Variants in GPR132 observed in about 807,000 individuals in gnomAD.
GPR132 encodes the protein G protein-coupled receptor 132.
GPR132 carries 4 observed loss-of-function variants against 1.9 expected under a neutral mutation model. The ratio of observed to expected loss-of-function variants is 2.13; its 90% CI spans 1.05 to 4.87. GPR132 has a LOEUF of 4.87. GPR132 is among the 30% of genes most tolerant of loss of function. The probability of loss-of-function intolerance (pLI) is 0.01; values close to 1 mark genes in which losing one functional copy is unlikely to be tolerated. For synonymous variants in GPR132, 233 were observed against 234.2 expected, an observed-to-expected ratio of 0.99 and a Z score of 0.05; for missense variants, 404 against 512.5, an observed-to-expected ratio of 0.79 and a Z score of 2.04.
At chr14:105,052,189 T>TTTTA in intron 3 of GPR132, 87 bp from the exon 4 acceptor site, 4 of 1,158,970 alleles carry the variant, frequency 3.5e-6, no homozygotes, top group South Asian at 3.2e-5. Flanking sequence ...ATAGAAGCTT[T>TTTTA]GTGGTAGCTC....
Position 105,051,700 on chromosome 14 carries a change from T to C in GPR132, c.437A>G (p.Tyr146Cys). Residue 146 changes from tyrosine to cysteine, a missense_variant, in exon 4 of 4, where the codon TAC (tyrosine) becomes TGC (cysteine). Tyr to Cys is a radical substitution (Grantham distance 194, BLOSUM62 -2). Transcript: ENST00000329797. The surrounding 1 kb of genome is among the most constrained non-coding windows in gnomAD (Gnocchi z 8.0). Reference protein sequence around the residue: ...ISCDRFVAVVYALESRGRRRR... With the variant: ...ISCDRFVAVVCALESRGRRRR... ...GCGGCGGCCCCGACTCTCCAGCGCGTACACCACGGCCACGAAGCGGTCGCA... is the reference window on the plus strand; with the variant it reads ...GCGGCGGCCCCGACTCTCCAGCGCGCACACCACGGCCACGAAGCGGTCGCA... 1 of 1,613,972 alleles carries C rather than the reference T, an allele frequency of 6.2e-7. No homozygotes were observed. Among genetic ancestry groups the C allele is most frequent in the Non-Finnish European group, 8.5e-7 (1 of 1,180,030 alleles).
intron 3 of GPR132, 27 bp from the exon 4 acceptor site, chr14:105,052,129 C>G (rs199605763): frequency 6.6e-7 from 1 of 1,519,438 alleles, no homozygotes; most frequent in Non-Finnish European, 8.8e-7. Context: ...AGAGTGAGGA[C>G]GGGAGTCCCT....
intron 1 of GPR132, among the ~76,000 whole-genome samples, chr14:105,058,960 G>A (rs143423595): frequency 4.3e-4 from 65 of 152,366 alleles, no homozygotes; most frequent in Non-Finnish European, 7.9e-4. Context: ...CTGTTTCCGG[G>A]CCCTGCAGTG....
In GPR132 at chr14:105,050,293, C is replaced by G. The variant is rs941452611; in HGVS notation, c.*701G>C. The G allele has an allele frequency of 6.5e-6, 1 of 152,902 alleles. No homozygotes were observed. The highest frequency in any genetic ancestry group is 1.5e-5 in the Non-Finnish European group (1 of 68,582). 9.5% of individuals were successfully genotyped at this position (152,902 alleles called of 1,614,324 possible). On this transcript the variant is annotated 3_prime_UTR_variant, in exon 4 of 4. Coordinates refer to ENST00000329797, the MANE Select transcript of GPR132 (RefSeq NM_013345.4). The surrounding 1 kb of genome is among the most constrained non-coding windows in gnomAD (Gnocchi z 4.0). ...GCTGGGGACTCCTGGCACCCCTTGC[C>G]TCTGCTGTGGCTGTGTCACACCTGT...
Position 105,060,002 on chromosome 14 carries a change from G to A in GPR132, c.-860-2722C>T, listed in dbSNP as rs1886898928. On this transcript the variant is annotated intron_variant, in intron 1 of 3. Coordinates refer to ENST00000329797, the MANE Select transcript of GPR132 (RefSeq NM_013345.4). This position sits in a 1 kb window ranked among gnomAD's most constrained non-coding sequence, Gnocchi z 6.3. ...TGATGCCCCCTTGGCGGTGGGTGGT[G>A]TGGGCCGGAGGGGTTCCTGGGCTAC... Among the ~76,000 whole-genome samples the A allele has an allele frequency of 6.6e-6, 1 of 152,260 alleles. No homozygotes were observed. The highest frequency in any genetic ancestry group is 2.4e-5 in the African/African-American group (1 of 41,482).
Position 105,056,369 on chromosome 14 carries a change from C to T in GPR132, c.-746-203G>A, listed in dbSNP as rs1253997329. On this transcript the variant is annotated intron_variant, in intron 2 of 3. Transcript: ENST00000329797. The surrounding 1 kb of genome is among the most constrained non-coding windows in gnomAD (Gnocchi z 6.0). Reference sequence around the variant, plus strand: ...AAACGAGTGCCCCAGCCCCGCTGTGCGAGTCCTGAGCTCAGAGGAAGTTTC... The same window carrying T: ...AAACGAGTGCCCCAGCCCCGCTGTGTGAGTCCTGAGCTCAGAGGAAGTTTC... Among the ~76,000 whole-genome samples, 2 of 152,196 alleles carry T rather than the reference C, an allele frequency of 1.3e-5. No individual in the cohort carries two copies. Among genetic ancestry groups the T allele is most frequent in the Non-Finnish European group, 2.9e-5 (2 of 68,032 alleles).
rs1225178326 is a variant in GPR132 at position 105,057,287 on chromosome 14, A to G, written c.-860-7T>C. ...TCTGAGAGTTTAAAATGACCTGGAAAAAGAGTAGGTTGAAATTGTTTTAGG... is the reference window on the plus strand; with the variant it reads ...TCTGAGAGTTTAAAATGACCTGGAAGAAGAGTAGGTTGAAATTGTTTTAGG... On this transcript the variant is annotated splice_polypyrimidine_tract_variant and splice_region_variant and intron_variant, in intron 1 of 3. Transcript: ENST00000329797. 2 of 745,458 alleles carry G rather than the reference A, an allele frequency of 2.7e-6. No homozygotes were observed. Among genetic ancestry groups the G allele is most frequent in the African/African-American group, 1.7e-5 (1 of 57,442 alleles). The allele number at this position is 745,458 out of a possible 1,614,324, so 46.2% of individuals were successfully genotyped here.
rs185717692 is a variant in GPR132, at chr14:105,061,362, C to T, written c.-861+4017G>A. Among the ~76,000 whole-genome samples the T allele has an allele frequency of 3.7e-3, 561 of 152,352 alleles. 5 individuals are homozygous for T. The highest frequency in any genetic ancestry group is 0.013 in the African/African-American group (520 of 41,588). ...CCGAGGGCCTTCCTGGACCAGGGTC[C>T]GGGGTCCCGCCAGCACCTGCTCACC... is the stretch of plus-strand genomic sequence containing the variant. On this transcript the variant is annotated intron_variant, in intron 1 of 3. Coordinates refer to ENST00000329797, the MANE Select transcript of GPR132 (RefSeq NM_013345.4).
intron 1 of GPR132, among the ~76,000 whole-genome samples, chr14:105,063,882 C>G (rs1389528273): frequency 6.6e-6 from 1 of 151,920 alleles, no homozygotes; most frequent in African/African-American, 2.4e-5. Context: ...TCTCGTTGCC[C>G]AGGCTGGAGT....
chr14:105,051,175 C>G lies in GPR132; in HGVS notation c.962G>C (p.Arg321Thr). ...ATDHSRQEVS[R>T]IHKGWKEWSM... Reference sequence around the variant, plus strand: ...CCACTCTTTCCACCCCTTATGGATTCTGGACACTTCTTGGCGGGAATGGTC... The same window carrying G: ...CCACTCTTTCCACCCCTTATGGATTGTGGACACTTCTTGGCGGGAATGGTC... The change falls in exon 4 of 4, where the codon AGA (arginine) becomes ACA (threonine). Residue 321 changes from arginine (R) to threonine (T), a missense_variant. Transcript: ENST00000329797. The surrounding 1 kb of genome is among the most constrained non-coding windows in gnomAD (Gnocchi z 8.0). The G allele has an allele frequency of 1.2e-6, 2 of 1,614,186 alleles. No homozygotes were observed. The highest frequency in any genetic ancestry group is 1.7e-6 in the Non-Finnish European group (2 of 1,180,032).
chr14:105,053,851 G>T, intron 3 of GPR132: 1 of 875,686 alleles, frequency 1.1e-6, no homozygotes, highest in Non-Finnish European at 1.5e-6. Flanking sequence ...GGACTATCTG[G>T]TGGGCCCAAT....
chr14:105,052,212 C>T (rs182326606), intron 3 of GPR132, 110 bp from the exon 4 acceptor site: 25 of 826,836 alleles, frequency 3.0e-5, no homozygotes, highest in Non-Finnish European at 4.4e-5. Flanking sequence ...ACTAGACACA[C>T]GCAGGTGTTT....
chr14:105,061,937 G>A (rs1331773995), intron 1 of GPR132, among the ~76,000 whole-genome samples: 2 of 152,330 alleles, frequency 1.3e-5, no homozygotes, highest in East Asian at 3.9e-4. Context: ...CCGGAGGCTT[G>A]GGTAGGGGAT....
chr14:105,050,876 A>G lies in GPR132; in HGVS notation c.*118T>C. On this transcript the variant is annotated 3_prime_UTR_variant, in exon 4 of 4. Coordinates refer to ENST00000329797, the MANE Select transcript of GPR132 (RefSeq NM_013345.4). This position sits in a 1 kb window ranked among gnomAD's most constrained non-coding sequence, Gnocchi z 4.0. Reference sequence around the variant, plus strand: ...GAGGGAGTGGCTTCAGGAACGAGAAATTGGTAGTTTGTCTTCCAGAGGGGA... The same window carrying G: ...GAGGGAGTGGCTTCAGGAACGAGAAGTTGGTAGTTTGTCTTCCAGAGGGGA... The G allele has an allele frequency of 2.1e-6, 2 of 930,996 alleles. No homozygotes were observed. The highest frequency in any genetic ancestry group is 3.2e-6 in the Non-Finnish European group (2 of 622,916). 57.7% of individuals were successfully genotyped at this position (930,996 alleles called of 1,614,324 possible).
intron 3 of GPR132, chr14:105,053,811 T>C: frequency 2.0e-6 from 1 of 506,154 alleles, no homozygotes; most frequent in South Asian, 5.2e-5. Flanking sequence ...GGTTGCTAAC[T>C]AGCTGACAGT....
chr14:105,053,995 A>G (rs1886718315), intron 3 of GPR132: 1 of 1,266,752 alleles, frequency 7.9e-7, no homozygotes, highest in Admixed American at 2.5e-5. Flanking sequence ...GCTAGAGGTC[A>G]CGCAGGGTGT....
chr14:105,049,929 C>T lies in GPR132; in HGVS notation c.*1065G>A, dbSNP rs1886585944. ...CCCCTGTGCTGTGCCGGGCACTGGG[C>T]TCCCCATGCAGGTGCTGCGTCTGCC... On this transcript the variant is annotated 3_prime_UTR_variant, in exon 4 of 4. Coordinates refer to ENST00000329797, the MANE Select transcript of GPR132 (RefSeq NM_013345.4). 1 of 152,376 alleles carries T rather than the reference C, an allele frequency of 6.6e-6. No homozygotes were observed. The highest frequency in any genetic ancestry group is 1.5e-5 in the Non-Finnish European group (1 of 68,134). The allele number at this position is 152,376 out of a possible 1,614,324, so 9.4% of individuals were successfully genotyped here. A position where few individuals can be genotyped will look rare whatever the true frequency, so the allele number is the denominator to read the frequency against.
chr14:105,055,668 C>T lies in GPR132; in HGVS notation c.-248G>A, dbSNP rs1886772096. 3.8e-6 allele frequency: 2 copies of T among 530,222 alleles called. No homozygotes were observed. The highest frequency in any genetic ancestry group is 2.9e-5 in the East Asian group (1 of 34,764). 32.8% of individuals were successfully genotyped at this position (530,222 alleles called of 1,614,324 possible). A position where few individuals can be genotyped will look rare whatever the true frequency, so the allele number is the denominator to read the frequency against. The stretch of plus-strand genomic sequence containing the variant: ...TCACCACAGTGTCCTCAAGCTCCCT[C>T]CTGTTGCAGCGTGTGCCAGGATTTC... On this transcript the variant is annotated 5_prime_UTR_variant, in exon 3 of 4. Transcript: ENST00000329797. The surrounding 1 kb of genome is among the most constrained non-coding windows in gnomAD (Gnocchi z 4.7).
rs1348282466 is a variant in GPR132 at position 105,057,268 on chromosome 14, AGTTTAAAAT to A, written c.-857_-849del. 5.9e-6 allele frequency: 5 copies of A among 841,368 alleles called. No individual in the cohort carries two copies. The highest frequency in any genetic ancestry group is 9.6e-6 in the Non-Finnish European group (5 of 521,730). 52.1% of individuals were successfully genotyped at this position (841,368 alleles called of 1,614,324 possible). On this transcript the variant is annotated 5_prime_UTR_variant, in exon 2 of 4. Transcript: ENST00000329797. The stretch of plus-strand genomic sequence containing the variant: ...GTCCTATCAAGACGTTCACTCTGAG[AGTTTAAAAT>A]GACCTGGAAAAAGAGTAGGTTGAAA...
Sources: gnomAD v4.1 joint callset for allele counts (sites outside exome capture counted in the v4.1 genomes callset) on GRCh38, gnomAD v4.1.1 for gene constraint, Gnocchi (gnomAD v3.1) non-coding constraint, MANE v1.5 for transcripts, NCBI Gene and HGNC (gene_info 2026-07-23, HGNC 2026-07-21) for gene names.